SPPL3: variants seen among roughly 807,000 people sequenced by gnomAD.
The protein encoded by SPPL3 is signal peptide peptidase like 3, also known as signal peptide peptidase-like 3.
A neutral mutation model predicts 42.4 loss-of-function variants in SPPL3; 5 were observed. The observed-to-expected ratio is 0.12, with a 90% CI of 0.06 to 0.25. The LOEUF is 0.25. SPPL3 is among the 10% of genes least tolerant of loss of function. SPPL3 has a pLI of 1.00. For synonymous variants in SPPL3, 195 were observed against 181.8 expected (o/e 1.07, Z -0.58); for missense variants, 235 against 489.0 (o/e 0.48, Z 4.90).
chr12:120,836,447 A>G (rs1268152452), intron 1 of SPPL3, among the ~76,000 whole-genome samples: 1 of 152,154 alleles, frequency 6.6e-6, no homozygotes, highest in Admixed American at 6.5e-5. Flanking sequence ...ACACCTCAAC[A>G]AAAAGCCAGT....
chr12:120,899,785 C>T (rs1007456360), intron 1 of SPPL3, among the ~76,000 whole-genome samples: 3 of 142,800 alleles, frequency 2.1e-5, no homozygotes, highest in African/African-American at 5.2e-5. Flanking sequence ...CCCAGCTACT[C>T]GGGAGGCTGA....
chr12:120,805,203 C>T (rs1870447073), intron 2 of SPPL3, among the ~76,000 whole-genome samples: 2 of 152,260 alleles, frequency 1.3e-5, no homozygotes, highest in East Asian at 1.9e-4. Flanking sequence ...GAATTGTATA[C>T]TTTAAGTGAC....
At chr12:120,896,406 C>T (rs1184348967) in intron 1 of SPPL3, among the ~76,000 whole-genome samples, 1 of 152,140 alleles carries the variant, frequency 6.6e-6, no homozygotes, top group African/African-American at 2.4e-5. Context: ...CCTCTGAGCA[C>T]CTCAGACGTT....
intron 1 of SPPL3, among the ~76,000 whole-genome samples, chr12:120,827,677 C>T (rs920161801): frequency 2.0e-5 from 3 of 152,210 alleles, no homozygotes; most frequent in Non-Finnish European, 4.4e-5. Context: ...TGCCCCCCAG[C>T]CTCAGCTGGG....
chr12:120,769,481 A>G (rs1869034810), intron 6 of SPPL3: 1 of 159,332 alleles, frequency 6.3e-6, no homozygotes, highest in Admixed American at 6.0e-5. Flanking sequence ...ACTAGAGAAT[A>G]CAGTAAAGCA....
At chr12:120,858,941 G>A (rs947553291) in intron 1 of SPPL3, among the ~76,000 whole-genome samples, 1 of 152,076 alleles carries the variant, frequency 6.6e-6, no homozygotes, top group African/African-American at 2.4e-5. Context: ...TTACGAATCA[G>A]TTTCTTTTTA....
In SPPL3 at chr12:120,858,936, A is replaced by C. The variant is rs373375752; in HGVS notation, c.23+44909T>G. 6.2e-4 allele frequency among the ~76,000 whole-genome samples: 94 copies of C among 152,308 alleles called. No homozygotes were observed. The South Asian group carries it at 0.019, about 30-fold the overall frequency. ...TGGTAAATTTGTTTAACTTTTTACG[A>C]ATCAGTTTCTTTTTATAATCTATCA... On this transcript the variant is annotated intron_variant, in intron 1 of 10. Coordinates refer to ENST00000353487, the MANE Select transcript of SPPL3 (RefSeq NM_139015.5).
intron 3 of SPPL3, among the ~76,000 whole-genome samples, chr12:120,788,496 A>G (rs1468731053): frequency 6.6e-6 from 1 of 152,190 alleles, no homozygotes; most frequent in Non-Finnish European, 1.5e-5. Context: ...TGGCCCATCT[A>G]ACCCTCTGTT....
chr12:120,867,754 A>AT (rs67510255), intron 1 of SPPL3, among the ~76,000 whole-genome samples: 3 of 150,644 alleles, frequency 2.0e-5, no homozygotes, highest in African/African-American at 7.3e-5. Context: ...TTAAAAAAAA[A>AT]TTTTTTTTTG....
chr12:120,868,568 A>G (rs1593003877), intron 1 of SPPL3, among the ~76,000 whole-genome samples: 1 of 151,954 alleles, frequency 6.6e-6, no homozygotes, highest in Non-Finnish European at 1.5e-5. Context: ...TGAAACCTCC[A>G]CCTCCTGGGT....
At chr12:120,868,917 C>T (rs180928384) in intron 1 of SPPL3, among the ~76,000 whole-genome samples, 13 of 152,216 alleles carry the variant, frequency 8.5e-5, no homozygotes, top group Admixed American at 7.8e-4. Flanking sequence ...TGCTATAATT[C>T]AGTCAATTCA....
At chr12:120,776,097 G>C (rs1419266411) in intron 6 of SPPL3, among the ~76,000 whole-genome samples, 1 of 152,214 alleles carries the variant, frequency 6.6e-6, no homozygotes, top group Non-Finnish European at 1.5e-5. Context: ...AAGCTCAAAG[G>C]CTCTCTTTGA....
chr12:120,870,938 G>C (rs1872899526), intron 1 of SPPL3, among the ~76,000 whole-genome samples: 1 of 151,826 alleles, frequency 6.6e-6, no homozygotes, highest in Non-Finnish European at 1.5e-5. Context: ...GACCAGCCTA[G>C]GCAACATGGT....
chr12:120,783,643 A>T (rs372877230), intron 5 of SPPL3, 31 bp downstream of exon 5: 4 of 1,558,258 alleles, frequency 2.6e-6, no homozygotes, highest in Middle Eastern at 3.4e-4. Context: ...ATACAAGTTT[A>T]TAATTTAAGA....
At chr12:120,875,493 G>A (rs1042170874) in intron 1 of SPPL3, among the ~76,000 whole-genome samples, 3 of 151,988 alleles carry the variant, frequency 2.0e-5, no homozygotes, top group African/African-American at 7.2e-5. Flanking sequence ...GCCAAGCATG[G>A]TGGCGGACGC....
In SPPL3 at chr12:120,791,524, C is replaced by T. The variant is rs147398053; in HGVS notation, c.135G>A (p.Lys45=). 5.2e-5 allele frequency: 84 copies of T among 1,605,632 alleles called. No individual in the cohort carries two copies. The East Asian group carries it at 1.8e-3, about 34-fold the overall frequency. The change falls in exon 3 of 11, where the codon AAG becomes AAA. Residue 45 remains lysine, a synonymous_variant. Transcript: ENST00000353487. ...SLNMDFENQD[K]EKDSNSSSGS... The stretch of plus-strand genomic sequence containing the variant: ...CAGAAGAACTATTACTGTCTTTCTC[C>T]TTATCTTGATTTTCAAAGTCCATAT...
At chr12:120,854,705 T>G (rs1872393687) in intron 1 of SPPL3, among the ~76,000 whole-genome samples, 1 of 152,208 alleles carries the variant, frequency 6.6e-6, no homozygotes, top group Non-Finnish European at 1.5e-5. Context: ...TCAGTCAGCC[T>G]GAATGCCCCA....
chr12:120,846,360 T>C (rs1872040626), intron 1 of SPPL3, among the ~76,000 whole-genome samples: 1 of 152,256 alleles, frequency 6.6e-6, no homozygotes, highest in African/African-American at 2.4e-5. Context: ...CATGGCAATT[T>C]TATCAAAGAT....
At chr12:120,818,967 G>A (rs1870967302) in intron 1 of SPPL3, among the ~76,000 whole-genome samples, 1 of 152,192 alleles carries the variant, frequency 6.6e-6, no homozygotes, top group African/African-American at 2.4e-5. Flanking sequence ...CCTCTTTAAT[G>A]TCTAGCTTAA....
Sources: gnomAD v4.1 joint callset for allele counts (sites outside exome capture counted in the v4.1 genomes callset) on GRCh38, gnomAD v4.1.1 for gene constraint, MANE v1.5 for transcripts, NCBI Gene and HGNC (gene_info 2026-07-23, HGNC 2026-07-21) for gene names.